Variants in NELL1 observed in about 807,000 individuals in gnomAD.
NELL1 encodes neural EGFL like 1.
A neutral mutation model predicts 107.4 loss-of-function variants in NELL1; 76 were observed. The observed-to-expected ratio is 0.71, with a 90% CI of 0.59 to 0.86. The LOEUF (loss-of-function observed/expected upper bound fraction) is 0.86. Ranked by LOEUF, NELL1 falls within the 40% of genes least tolerant of loss-of-function variation. The pLI, the probability that NELL1 is intolerant of heterozygous loss-of-function variation, is 0.00. For missense variants in NELL1, 1,024 were observed against 1,005.5 expected (o/e 1.02, Z -0.25); for synonymous variants, 353 against 341.2 (o/e 1.03, Z -0.38).
chr11:20,985,230 A>G (rs768847156), intron 12 of NELL1, among the ~76,000 whole-genome samples: 3 of 152,192 alleles, frequency 2.0e-5, no homozygotes, highest in Non-Finnish European at 2.9e-5. Flanking sequence ...GTAAAGCAGT[A>G]GAAATGAATT....
intron 13 of NELL1, among the ~76,000 whole-genome samples, chr11:21,144,263 A>AGG (rs1590676368): frequency 1.3e-5 from 2 of 152,108 alleles, no homozygotes; most frequent in East Asian, 1.9e-4. Flanking sequence ...GCTATGGAAC[A>AGG]CCTTAGGACA....
intron 3 of NELL1, among the ~76,000 whole-genome samples, chr11:20,793,387 T>C (rs1857111666): frequency 6.6e-6 from 1 of 152,076 alleles, no homozygotes; most frequent in Non-Finnish European, 1.5e-5. Flanking sequence ...GTGTGTTTTC[T>C]TCTTTTCTTG....
chr11:21,125,366 G>A (rs1855463735), intron 13 of NELL1, among the ~76,000 whole-genome samples: 1 of 152,058 alleles, frequency 6.6e-6, no homozygotes, highest in Non-Finnish European at 1.5e-5. Context: ...GAAAGATTAA[G>A]GTTTAACTAG....
At chr11:21,540,797 C>T (rs1447910575) in intron 16 of NELL1, among the ~76,000 whole-genome samples, 1 of 152,082 alleles carries the variant, frequency 6.6e-6, no homozygotes, top group Non-Finnish European at 1.5e-5. Flanking sequence ...CTGGAGATTA[C>T]AATTTGACAT....
At chr11:20,731,487 A>T (rs1855642779) in intron 2 of NELL1, among the ~76,000 whole-genome samples, 1 of 152,148 alleles carries the variant, frequency 6.6e-6, no homozygotes, top group Admixed American at 6.5e-5. Flanking sequence ...TAAAGGTGGA[A>T]TTGTGTGTGT....
chr11:21,494,839 A>G lies in NELL1; in HGVS notation c.1646-39535A>G, dbSNP rs115412067. Among the ~76,000 whole-genome samples the G allele has an allele frequency of 1.4e-3, 212 of 152,148 alleles. 2 individuals are homozygous for G. The highest frequency in any genetic ancestry group is 4.8e-3 in the African/African-American group (201 of 41,556). ...GTTTTCATTGAAAAAAACAAGTCAA[A>G]AAAGTTGTTCCTATTGACTTTTCTC... On this transcript the variant is annotated intron_variant, in intron 15 of 19. Coordinates refer to ENST00000357134, the MANE Select transcript of NELL1 (RefSeq NM_006157.5).
At chr11:20,758,039 G>A (rs1856336475) in intron 2 of NELL1, among the ~76,000 whole-genome samples, 1 of 152,172 alleles carries the variant, frequency 6.6e-6, no homozygotes, top group Non-Finnish European at 1.5e-5. Flanking sequence ...GAGGGGCCAA[G>A]CTCCCTGGTC....
intron 12 of NELL1, among the ~76,000 whole-genome samples, chr11:21,004,415 TATC>T (rs1433866240): frequency 2.0e-5 from 3 of 152,170 alleles, no homozygotes; most frequent in African/African-American, 7.2e-5. Context: ...ATGATTCTAA[TATC>T]ATCCCCATGA....
At chr11:21,423,005 C>T (rs181812374) in intron 15 of NELL1, among the ~76,000 whole-genome samples, 18 of 152,094 alleles carry the variant, frequency 1.2e-4, no homozygotes, top group Admixed American at 3.3e-4. Flanking sequence ...ATATTCCACG[C>T]TCATAGTAAA....
chr11:20,942,561 G>A (rs1850878188), intron 10 of NELL1, among the ~76,000 whole-genome samples: 1 of 151,946 alleles, frequency 6.6e-6, no homozygotes, highest in African/African-American at 2.4e-5. Flanking sequence ...TAGATTAAAT[G>A]AGATAAAACA....
chr11:21,565,153 C>T (rs1274751665), intron 17 of NELL1, among the ~76,000 whole-genome samples: 1 of 151,916 alleles, frequency 6.6e-6, no homozygotes, highest in Non-Finnish European at 1.5e-5. Context: ...AAATATTTTC[C>T]TGTCTGTGGT....
intron 7 of NELL1, among the ~76,000 whole-genome samples, chr11:20,926,616 C>A (rs1231329663): frequency 6.6e-6 from 1 of 152,064 alleles, no homozygotes; most frequent in Non-Finnish European, 1.5e-5. Context: ...CTTTATAATC[C>A]CTTTCCAGCA....
intron 4 of NELL1, among the ~76,000 whole-genome samples, chr11:20,882,852 C>G (rs1849435303): frequency 6.6e-6 from 1 of 152,132 alleles, no homozygotes; most frequent in Non-Finnish European, 1.5e-5. Context: ...TAAAGTCTCT[C>G]TTTTAATCTC....
At chr11:21,056,591 G>A (rs1853621167) in intron 12 of NELL1, among the ~76,000 whole-genome samples, 1 of 152,044 alleles carries the variant, frequency 6.6e-6, no homozygotes, top group South Asian at 2.1e-4. Context: ...CCTTTTAAAG[G>A]AACATTCATT....
At chr11:21,416,122 G>T (rs937693970) in intron 15 of NELL1, among the ~76,000 whole-genome samples, 1 of 152,046 alleles carries the variant, frequency 6.6e-6, no homozygotes, top group Admixed American at 6.6e-5. Context: ...GCTACATAAG[G>T]TGTTTTCAAG....
chr11:20,675,534 G>A (rs1032330309), intron 1 of NELL1, among the ~76,000 whole-genome samples: 1 of 152,182 alleles, frequency 6.6e-6, no homozygotes, highest in South Asian at 2.1e-4. Flanking sequence ...GGCGACAGGG[G>A]TGCTTCCTTC....
At chr11:20,963,968 A>C (rs2134219306) in intron 12 of NELL1, among the ~76,000 whole-genome samples, 1 of 152,244 alleles carries the variant, frequency 6.6e-6, no homozygotes, top group South Asian at 2.1e-4. Flanking sequence ...TGCTCTGTAG[A>C]GATTGTCGTA....
chr11:21,257,251 A>C (rs1012878188), intron 14 of NELL1, among the ~76,000 whole-genome samples: 6 of 152,032 alleles, frequency 3.9e-5, no homozygotes, highest in Admixed American at 6.6e-5. Context: ...GTGAGATGCC[A>C]CACCACTAAG....
At chr11:21,158,717 T>C (rs558217062) in intron 13 of NELL1, among the ~76,000 whole-genome samples, 1 of 152,308 alleles carries the variant, frequency 6.6e-6, no homozygotes, top group African/African-American at 2.4e-5. Context: ...TTTCTCTAAG[T>C]ATGGACTTCC....
Sources: gnomAD v4.1 joint callset for allele counts (sites outside exome capture counted in the v4.1 genomes callset) on GRCh38, gnomAD v4.1.1 for gene constraint, MANE v1.5 for transcripts, NCBI Gene and HGNC (gene_info 2026-07-23, HGNC 2026-07-21) for gene names.